Variants in MARCHF1 observed in about 807,000 individuals in gnomAD.
MARCHF1 encodes the protein membrane associated ring-CH-type finger 1, also known as E3 ubiquitin-protein ligase MARCHF1.
A neutral mutation model predicts 54.2 loss-of-function variants in MARCHF1; 40 were observed. The ratio of observed to expected loss-of-function variants is 0.74; its 90% CI spans 0.57 to 0.96. MARCHF1 has a LOEUF of 0.96. Among genes scored for constraint, MARCHF1 ranks in the 40% least tolerant of loss-of-function variants. The pLI, the probability that MARCHF1 is intolerant of heterozygous loss-of-function variation, is 0.00. For missense variants in MARCHF1, 586 were observed against 656.5 expected (o/e 0.89, Z 1.17); for synonymous variants, 236 against 236.3 (o/e 1.00, Z 0.01).
intron 3 of MARCHF1, among the ~76,000 whole-genome samples, chr4:163,961,625 C>G (rs974373321): frequency 6.6e-6 from 1 of 151,896 alleles, no homozygotes; most frequent in Admixed American, 6.6e-5. Flanking sequence ...ATTATATGAT[C>G]AAAGGGACAC....
At chr4:163,645,474 A>G (rs900558886) in intron 5 of MARCHF1, among the ~76,000 whole-genome samples, 1 of 152,218 alleles carries the variant, frequency 6.6e-6, no homozygotes, top group Admixed American at 6.5e-5. Context: ...GAACCAAGCA[A>G]ACATGACACC....
At chr4:164,135,747 C>A (rs1380535470) in intron 1 of MARCHF1, among the ~76,000 whole-genome samples, 1 of 152,200 alleles carries the variant, frequency 6.6e-6, no homozygotes, top group African/African-American at 2.4e-5. Context: ...TAATGCATAA[C>A]TGCATTTGAT....
intron 4 of MARCHF1, among the ~76,000 whole-genome samples, chr4:163,732,451 G>C (rs1338460649): frequency 2.0e-5 from 3 of 152,144 alleles, no homozygotes; most frequent in African/African-American, 7.2e-5. Context: ...GAAGAAAAGA[G>C]AGGAGGTAAA....
intron 1 of MARCHF1, among the ~76,000 whole-genome samples, chr4:164,381,187 C>A (rs751812768): frequency 1.3e-5 from 2 of 152,196 alleles, no homozygotes; most frequent in Non-Finnish European, 2.9e-5. Context: ...AATGCAACTT[C>A]CTCCTTTTTC....
rs77106122 is a variant in MARCHF1 at position 163,973,464 on chromosome 4, G to C, written c.-39+15037C>G. ...TCCAATTTTCAAGAAAAGCAAAAGG[G>C]CAAATGCTAATTCACAAGTATTTTT... On this transcript the variant is annotated intron_variant, in intron 3 of 9. Coordinates refer to ENST00000514618, the MANE Select transcript of MARCHF1 (RefSeq NM_001394959.1). 3.4e-3 allele frequency among the ~76,000 whole-genome samples: 524 copies of C among 152,262 alleles called. 4 individuals carry two copies. The highest frequency in any genetic ancestry group is 0.014 in the Middle Eastern group (4 of 294).
chr4:164,048,382 C>T (rs1579489459), intron 2 of MARCHF1, among the ~76,000 whole-genome samples: 4 of 152,114 alleles, frequency 2.6e-5, no homozygotes, highest in Admixed American at 2.6e-4. Context: ...TAAAAACTGT[C>T]CTTGGAGTTA....
chr4:164,013,881 G>A (rs1753479920), intron 2 of MARCHF1, among the ~76,000 whole-genome samples: 1 of 152,080 alleles, frequency 6.6e-6, no homozygotes, highest in Non-Finnish European at 1.5e-5. Flanking sequence ...ATGCTAAAGG[G>A]AGTCCGGGTG....
intron 8 of MARCHF1, among the ~76,000 whole-genome samples, chr4:163,551,584 G>T (rs1739107800): frequency 6.6e-6 from 1 of 152,194 alleles, no homozygotes; most frequent in African/African-American, 2.4e-5. Flanking sequence ...ACACAAATCA[G>T]GAAGTGTACA....
At chr4:163,573,668 T>C (rs1212012860) in intron 8 of MARCHF1, among the ~76,000 whole-genome samples, 1 of 151,994 alleles carries the variant, frequency 6.6e-6, no homozygotes, top group Non-Finnish European at 1.5e-5. Flanking sequence ...CTGCATAGTA[T>C]TCTATGGTGT....
intron 1 of MARCHF1, among the ~76,000 whole-genome samples, chr4:164,357,466 G>T (rs1047272050): frequency 6.6e-6 from 1 of 152,010 alleles, no homozygotes; most frequent in African/African-American, 2.4e-5. Flanking sequence ...CCCATCTCAA[G>T]ATCCTTAATT....
intron 1 of MARCHF1, among the ~76,000 whole-genome samples, chr4:164,252,417 C>CA (rs750967643): frequency 6.6e-6 from 1 of 152,128 alleles, no homozygotes; most frequent in Non-Finnish European, 1.5e-5. Context: ...AGAAGACACA[C>CA]AGAAAGCTTC....
chr4:164,191,974 C>T (rs148878307), intron 1 of MARCHF1, among the ~76,000 whole-genome samples: 3 of 152,124 alleles, frequency 2.0e-5, no homozygotes, highest in African/African-American at 4.8e-5. Context: ...TACTAGAACA[C>T]GACCAATGGT....
intron 1 of MARCHF1, among the ~76,000 whole-genome samples, chr4:164,178,099 T>G (rs771483897): frequency 8.5e-5 from 13 of 152,214 alleles, no homozygotes; most frequent in Non-Finnish European, 1.5e-4. Context: ...AAATGCATCC[T>G]TGAACCCAAT....
chr4:164,250,882 C>T (rs1291025378), intron 1 of MARCHF1, among the ~76,000 whole-genome samples: 1 of 152,008 alleles, frequency 6.6e-6, no homozygotes, highest in Non-Finnish European at 1.5e-5. Flanking sequence ...TGAATATATG[C>T]TCTTGTTACT....
At chr4:164,277,394 A>C (rs1733915132) in intron 1 of MARCHF1, among the ~76,000 whole-genome samples, 1 of 152,244 alleles carries the variant, frequency 6.6e-6, no homozygotes, top group Admixed American at 6.5e-5. Context: ...GAAATTCTAC[A>C]ATATAAGTTC....
chr4:163,887,325 T>C (rs1750560864), intron 3 of MARCHF1, among the ~76,000 whole-genome samples: 1 of 152,010 alleles, frequency 6.6e-6, no homozygotes, highest in South Asian at 2.1e-4. Flanking sequence ...ATGGAGCCAA[T>C]CACTCAAAGA....
intron 7 of MARCHF1, among the ~76,000 whole-genome samples, chr4:163,589,324 C>A (rs557342466): frequency 6.6e-6 from 1 of 152,086 alleles, no homozygotes; most frequent in African/African-American, 2.4e-5. Flanking sequence ...TCTGCTAAAA[C>A]TACTACCTGA....
At position 163,585,397 on chromosome 4, in the gene MARCHF1, C is replaced by T. The variant is rs193216131; in HGVS notation, c.1191+352G>A. 5.3e-3 allele frequency: 832 copies of T among 157,140 alleles called. 7 individuals carry two copies. The highest frequency in any genetic ancestry group is 0.019 in the African/African-American group (795 of 41,748). 9.7% of individuals were successfully genotyped at this position (157,140 alleles called of 1,614,324 possible). A position where few individuals can be genotyped will look rare whatever the true frequency, so the allele number is the denominator to read the frequency against. ...ATGTAACCTTCTTGAGAACTGGCTTCCGTAAGCACAATGCTATCATAGTTC... is the reference window on the plus strand; with the variant it reads ...ATGTAACCTTCTTGAGAACTGGCTTTCGTAAGCACAATGCTATCATAGTTC... On this transcript the variant is annotated intron_variant, in intron 8 of 9. Transcript: ENST00000514618.
chr4:164,232,163 ACAT>A (rs1377114527), intron 1 of MARCHF1, among the ~76,000 whole-genome samples: 1 of 152,148 alleles, frequency 6.6e-6, no homozygotes, highest in Non-Finnish European at 1.5e-5. Context: ...TAATCAAGCA[ACAT>A]CATTTTCATT....
Sources: allele counts gnomAD v4.1 joint callset (sites outside exome capture counted in the v4.1 genomes callset), GRCh38; gene constraint gnomAD v4.1.1; transcripts MANE v1.5; gene names NCBI Gene and HGNC (gene_info 2026-07-23, HGNC 2026-07-21).